The following COL4A5 variants were observed in gnomAD, a reference collection of about 807,000 sequenced individuals.
The protein encoded by COL4A5 is collagen alpha-5(IV) chain.
COL4A5 carries 26 observed loss-of-function variants against 130.2 expected under a neutral mutation model. The observed-to-expected ratio is 0.20, with a 90% CI of 0.15 to 0.28. The LOEUF (loss-of-function observed/expected upper bound fraction) is 0.28, where lower values mean the gene tolerates loss of function less well. Among genes scored for constraint, COL4A5 ranks in the 10% least tolerant of loss-of-function variants. The pLI, the probability that COL4A5 is intolerant of heterozygous loss-of-function variation, is 1.00. For synonymous variants in COL4A5, 496 were observed against 439.6 expected, an observed-to-expected ratio of 1.13 and a Z score of -1.60; for missense variants, 1,131 against 1,344.3, an observed-to-expected ratio of 0.84 and a Z score of 2.48.
chrX:108,526,593 C>CT (rs2065315562), intron 1 of COL4A5, among the ~76,000 whole-genome samples: 6 of 45,097 alleles, frequency 1.3e-4, no homozygotes, highest in Non-Finnish European at 1.9e-4. Flanking sequence ...CCCTCCCTCC[C>CT]TCCTTTCTTT....
At chrX:108,491,263 C>G (rs776058642) in intron 1 of COL4A5, among the ~76,000 whole-genome samples, 18 of 111,539 alleles carry the variant, frequency 1.6e-4, no homozygotes, top group Non-Finnish European at 3.2e-4. Flanking sequence ...CCCACAGACT[C>G]TTCCTCTCTG....
chrX:108,493,323 A>G (rs1386735309), intron 1 of COL4A5, among the ~76,000 whole-genome samples: 1 of 111,740 alleles, frequency 8.9e-6, no homozygotes. Context: ...GTCCATGCAT[A>G]TGAAGCGACT....
At chrX:108,678,290 A>G (rs931999456) in intron 44 of COL4A5, among the ~76,000 whole-genome samples, 15 of 111,590 alleles carry the variant, frequency 1.3e-4, no homozygotes, top group Admixed American at 8.6e-4. Context: ...TATGGCAGAA[A>G]AAAAGTATTT....
At chrX:108,459,312 T>C (rs1044717793) in intron 1 of COL4A5, among the ~76,000 whole-genome samples, 3 of 111,447 alleles carry the variant, frequency 2.7e-5, no homozygotes, top group Non-Finnish European at 5.7e-5. Context: ...CTCCTTTTTT[T>C]CCCCTTATTG....
intron 1 of COL4A5, among the ~76,000 whole-genome samples, chrX:108,530,857 A>G (rs1431211423): frequency 2.8e-5 from 3 of 108,317 alleles, no homozygotes; most frequent in East Asian, 3.0e-4. Context: ...TCCCATTACT[A>G]GGTATATACC....
In COL4A5 at chrX:108,687,922, G is replaced by T. The variant is rs1569508470; in HGVS notation, c.4528+228G>T. 6.3e-5 allele frequency among the ~76,000 whole-genome samples: 7 copies of T among 111,823 alleles called. No individual in the cohort carries two copies. The East Asian group carries it at 2.0e-3, about 31-fold the overall frequency. ...TAGCTCTTGTGAGGTACAATTCTTG[G>T]CCTAAAGCAGATCATTTCAAAAAGG... On this transcript the variant is annotated intron_variant, in intron 49 of 52. Coordinates refer to ENST00000328300, the MANE Select transcript of COL4A5 (RefSeq NM_033380.3).
At chrX:108,601,336 G>T (rs2066624340) in intron 25 of COL4A5, 57 bp from the exon 26 acceptor site, 1 of 790,004 alleles carries the variant, frequency 1.3e-6, no homozygotes, top group South Asian at 2.3e-5. Context: ...TAATTAAAAA[G>T]AGACCTTTAG....
In COL4A5 at chrX:108,440,046, C is replaced by A; in HGVS notation, c.-80C>A. Reference sequence around the variant, plus strand: ...CCGGCTCTAGCTCTCTCCATATAAACCCTCAAGATTATGTCAATTGGTTAG... The same window carrying A: ...CCGGCTCTAGCTCTCTCCATATAAAACCTCAAGATTATGTCAATTGGTTAG... On this transcript the variant is annotated 5_prime_UTR_variant, in exon 1 of 53. Coordinates refer to ENST00000328300, the MANE Select transcript of COL4A5 (RefSeq NM_033380.3). 1.3e-6 allele frequency: 1 copy of A among 762,019 alleles called. No individual in the cohort carries two copies. The highest frequency in any genetic ancestry group is 2.0e-6 in the Non-Finnish European group (1 of 498,907). 62.8% of individuals were successfully genotyped at this position (762,019 alleles called of 1,213,427 possible). A position where few individuals can be genotyped will look rare whatever the true frequency, so the allele number is the denominator to read the frequency against.
chrX:108,579,031 AAT>A (rs2066201470), intron 13 of COL4A5, among the ~76,000 whole-genome samples: 1 of 106,805 alleles, frequency 9.4e-6, no homozygotes, highest in Non-Finnish European at 1.9e-5. Context: ...ACATACATAT[AAT>A]CCACCCATTT....
At position 108,625,017 on chromosome X, in the gene COL4A5, C is replaced by T. The variant is rs1333469920; in HGVS notation, c.3016+683C>T. ...TTGATATAGTTGGGAAGAGAAACTC[C>T]CTTCCTATCTCTCCCTCACATCTTC... On this transcript the variant is annotated intron_variant, in intron 34 of 52. Coordinates refer to ENST00000328300, the MANE Select transcript of COL4A5 (RefSeq NM_033380.3). Among the ~76,000 whole-genome samples, 29 of 111,572 alleles carry T rather than the reference C, an allele frequency of 2.6e-4. No homozygotes were observed. In the Admixed American group the frequency reaches 2.7e-3, roughly 10 times the overall value.
chrX:108,454,182 C>G (rs17254489), intron 1 of COL4A5, among the ~76,000 whole-genome samples: 2,527 of 112,326 alleles, frequency 0.022, 30 homozygotes, highest in Middle Eastern at 0.046. Context: ...AGAGGCAAAA[C>G]TTAGAATCAA....
chrX:108,680,962 A>T lies in COL4A5; in HGVS notation c.4087+6A>T, dbSNP rs748429212. The T allele has an allele frequency of 1.8e-5, 22 of 1,191,712 alleles. No individual in the cohort carries two copies. In the African/African-American group the frequency reaches 3.9e-4, roughly 21 times the overall value. On this transcript the variant is annotated splice_donor_region_variant and intron_variant, in intron 46 of 52. Coordinates refer to ENST00000328300, the MANE Select transcript of COL4A5 (RefSeq NM_033380.3). ...GGGACTTATTGGTCCTCCAGGTAAG[A>T]CTTATTCCTGAAGATAGTTATACCT...
rs188389231 is a variant in COL4A5, at chrX:108,546,166, T to C, written c.141+6361T>C. Among the ~76,000 whole-genome samples, 425 of 111,971 alleles carry C rather than the reference T, an allele frequency of 3.8e-3. 4 individuals are homozygous for C. Among genetic ancestry groups the C allele is most frequent in the African/African-American group, 0.013 (411 of 30,830 alleles). Reference sequence around the variant, plus strand: ...TCCTGTCATTATGATGTTAGCTGGTTATTTTGCTCGTTAGTTGATGCAGTT... The same window carrying C: ...TCCTGTCATTATGATGTTAGCTGGTCATTTTGCTCGTTAGTTGATGCAGTT... On this transcript the variant is annotated intron_variant, in intron 2 of 52. Coordinates refer to ENST00000328300, the MANE Select transcript of COL4A5 (RefSeq NM_033380.3).
chrX:108,570,255 G>A (rs969565355), intron 6 of COL4A5, among the ~76,000 whole-genome samples: 1 of 111,922 alleles, frequency 8.9e-6, no homozygotes, highest in African/African-American at 3.2e-5. Context: ...CCAATGTGGA[G>A]TTGGTTTGCC....
chrX:108,456,559 G>C (rs1277272635), intron 1 of COL4A5, among the ~76,000 whole-genome samples: 5 of 111,094 alleles, frequency 4.5e-5, no homozygotes, highest in African/African-American at 1.6e-4. Flanking sequence ...TTTTGTCCTG[G>C]CTATCTTATT....
chrX:108,519,563 G>A (rs762482381), intron 1 of COL4A5, among the ~76,000 whole-genome samples: 1 of 110,742 alleles, frequency 9.0e-6, no homozygotes, highest in South Asian at 3.8e-4. Flanking sequence ...TCCTCCCAAT[G>A]TGTTACTGTT....
chrX:108,663,527 T>C (rs999794819), intron 37 of COL4A5, among the ~76,000 whole-genome samples: 6 of 110,940 alleles, frequency 5.4e-5, no homozygotes, highest in Non-Finnish European at 9.4e-5. Context: ...AGCTGAACAA[T>C]GAGAATACAT....
At chrX:108,488,929 A>T (rs745639094) in intron 1 of COL4A5, among the ~76,000 whole-genome samples, 22 of 111,845 alleles carry the variant, frequency 2.0e-4, no homozygotes, top group Non-Finnish European at 4.0e-4. Context: ...CAACTAACAT[A>T]TTATAGTTGA....
intron 30 of COL4A5, among the ~76,000 whole-genome samples, chrX:108,615,908 T>G (rs1158059921): frequency 8.9e-6 from 1 of 112,565 alleles, no homozygotes; most frequent in African/African-American, 3.2e-5. Flanking sequence ...ATATGTTTCC[T>G]GACCTTAAAT....
Sources: gnomAD v4.1 joint callset for allele counts (sites outside exome capture counted in the v4.1 genomes callset) on GRCh38, gnomAD v4.1.1 for gene constraint, MANE v1.5 for transcripts, NCBI Gene and HGNC (gene_info 2026-07-23, HGNC 2026-07-21) for gene names.